NBEA: variants seen among roughly 807,000 people sequenced by gnomAD.
NBEA encodes lysosomal-trafficking regulator 2.
Under a neutral mutation model 343.4 loss-of-function variants are expected in NBEA, and 44 were observed. That is an observed-to-expected ratio of 0.13 (90% CI 0.10 to 0.16). The LOEUF (loss-of-function observed/expected upper bound fraction) is 0.16, where lower values mean the gene tolerates loss of function less well. Among genes scored for constraint, NBEA ranks in the 10% least tolerant of loss-of-function variants. The pLI is 1.00. For synonymous variants in NBEA, 1,175 were observed against 1,238.7 expected (o/e 0.95, Z 1.08); for missense variants, 2,555 against 3,631.3 (o/e 0.70, Z 7.62).
rs771006403 is a variant in NBEA, at chr13:35,161,731, TC to T, written c.3862-18del. 5.0e-6 allele frequency: 8 copies of T among 1,585,262 alleles called. No individual in the cohort carries two copies. The South Asian group carries it at 9.2e-5, about 18-fold the overall frequency. On this transcript the variant is annotated intron_variant, in intron 22 of 58. Coordinates refer to ENST00000379939, the MANE Select transcript of NBEA (RefSeq NM_001385012.1). ...CATTTCTTTTGTATTCCACAAAAGT[TC>T]ATCTTTTCCTTCTTTAGGCTGTGCA... is the stretch of plus-strand genomic sequence containing the variant.
At chr13:35,392,748 A>G (rs537730152) in intron 38 of NBEA, among the ~76,000 whole-genome samples, 1 of 152,336 alleles carries the variant, frequency 6.6e-6, no homozygotes, top group South Asian at 2.1e-4. Flanking sequence ...GCAATCAGAA[A>G]GGAAAAGTTG....
In NBEA at chr13:35,460,941, C is replaced by T. The variant is rs540769284; in HGVS notation, c.6448+8706C>T. 1.1e-4 allele frequency among the ~76,000 whole-genome samples: 17 copies of T among 152,322 alleles called. No individual in the cohort carries two copies. In the South Asian group the frequency reaches 2.3e-3, roughly 20 times the overall value. On this transcript the variant is annotated intron_variant, in intron 40 of 58. Transcript: ENST00000379939. ...CTCTGCAGAGTCCTGAGGCCGTACC[C>T]GGCATCACATGTGAGGGGCTGAGGG...
intron 34 of NBEA, among the ~76,000 whole-genome samples, chr13:35,232,980 A>G (rs893221461): frequency 6.6e-6 from 1 of 152,108 alleles, no homozygotes; most frequent in African/African-American, 2.4e-5. Flanking sequence ...TGCACCTTTA[A>G]GTGATTTTTC....
chr13:35,173,689 T>C (rs919938327), intron 27 of NBEA, 95 bp downstream of exon 27: 39 of 1,217,146 alleles, frequency 3.2e-5, no homozygotes, highest in Non-Finnish European at 3.2e-5. Flanking sequence ...TGCTCAGTGA[T>C]AGAGAGCAAG....
intron 1 of NBEA, among the ~76,000 whole-genome samples, chr13:35,039,534 T>G (rs1394406332): frequency 6.6e-6 from 1 of 152,196 alleles, no homozygotes; most frequent in African/African-American, 2.4e-5. Flanking sequence ...GTTTGGATCC[T>G]GAGTCTCTTA....
chr13:34,961,550 A>G (rs765041091), intron 1 of NBEA, among the ~76,000 whole-genome samples: 5 of 152,028 alleles, frequency 3.3e-5, no homozygotes, highest in East Asian at 1.9e-4. Context: ...ATCTAACTTC[A>G]TATCTGGTCA....
chr13:35,157,933 A>G lies in NBEA; in HGVS notation c.2844+663A>G, dbSNP rs1037034900. ...GTTTTGTGATTTTAGGAGACTCATT[A>G]AGTCTTCTTGAACACGAGTTAGAAA... is the stretch of plus-strand genomic sequence containing the variant. On this transcript the variant is annotated intron_variant, in intron 21 of 58. Transcript: ENST00000379939. 2.0e-5 allele frequency among the ~76,000 whole-genome samples: 3 copies of G among 152,188 alleles called. No homozygotes were observed. The South Asian group carries it at 6.2e-4, about 31-fold the overall frequency.
chr13:35,498,037 A>G (rs559344465), intron 41 of NBEA, among the ~76,000 whole-genome samples: 9 of 152,138 alleles, frequency 5.9e-5, no homozygotes, highest in African/African-American at 2.2e-4. Context: ...CTTAGCATGT[A>G]TTGATTTGCA....
At chr13:35,163,829 G>T (rs2069774929) in intron 23 of NBEA, among the ~76,000 whole-genome samples, 1 of 151,924 alleles carries the variant, frequency 6.6e-6, no homozygotes. Context: ...ATTTCAATGT[G>T]ACTAGTCAAA....
At chr13:35,223,977 G>A (rs956771361) in intron 33 of NBEA, among the ~76,000 whole-genome samples, 1 of 152,066 alleles carries the variant, frequency 6.6e-6, no homozygotes, top group Admixed American at 6.6e-5. Context: ...AGAACACATG[G>A]ACCTGTTTAT....
intron 1 of NBEA, among the ~76,000 whole-genome samples, chr13:34,966,554 T>C: frequency 6.6e-6 from 1 of 151,880 alleles, no homozygotes; most frequent in East Asian, 1.9e-4. Flanking sequence ...CTAATCTGAA[T>C]CCAAATCCTG....
chr13:35,234,684 C>T (rs2152772760), intron 34 of NBEA, among the ~76,000 whole-genome samples: 1 of 152,228 alleles, frequency 6.6e-6, no homozygotes, highest in Non-Finnish European at 1.5e-5. Flanking sequence ...ACTTCCTCAT[C>T]TTTATGAGGA....
At chr13:35,630,639 G>C (rs563588005) in intron 49 of NBEA, among the ~76,000 whole-genome samples, 1 of 152,252 alleles carries the variant, frequency 6.6e-6, no homozygotes, top group South Asian at 2.1e-4. Flanking sequence ...GAAATGTTAT[G>C]TTCTTTCTCC....
At chr13:35,118,600 G>A (rs1403419905) in intron 16 of NBEA, 126 bp downstream of exon 16, 2 of 681,850 alleles carry the variant, frequency 2.9e-6, no homozygotes, top group Admixed American at 6.0e-5. Context: ...AGAATAAATG[G>A]AGAATGCTGC....
intron 36 of NBEA, among the ~76,000 whole-genome samples, chr13:35,329,533 A>C (rs1229356705): frequency 6.6e-6 from 1 of 152,006 alleles, no homozygotes; most frequent in Non-Finnish European, 1.5e-5. Context: ...CTACTGATAC[A>C]CACAATAACA....
intron 41 of NBEA, among the ~76,000 whole-genome samples, chr13:35,496,745 C>T (rs1314622717): frequency 6.6e-6 from 1 of 151,532 alleles, no homozygotes; most frequent in Admixed American, 6.6e-5. Context: ...TATGTCTTTT[C>T]TCAAAAAGTC....
intron 34 of NBEA, among the ~76,000 whole-genome samples, chr13:35,275,849 G>C (rs1056366923): frequency 9.9e-5 from 15 of 152,102 alleles, no homozygotes; most frequent in African/African-American, 3.1e-4. Context: ...AGAAAGTTAG[G>C]AAAGAACAGA....
intron 37 of NBEA, among the ~76,000 whole-genome samples, chr13:35,350,770 G>A (rs2040156921): frequency 7.2e-6 from 1 of 139,002 alleles, no homozygotes; most frequent in Admixed American, 7.0e-5. Context: ...GTGTGTGTGT[G>A]TGTAGTTTAC....
intron 34 of NBEA, among the ~76,000 whole-genome samples, chr13:35,243,631 A>G (rs1004544546): frequency 6.6e-6 from 1 of 151,948 alleles, no homozygotes. Context: ...AAGACAAAAT[A>G]AGCTTTTGAA....
Sources: allele counts gnomAD v4.1 joint callset (sites outside exome capture counted in the v4.1 genomes callset), GRCh38; gene constraint gnomAD v4.1.1; transcripts MANE v1.5; gene names NCBI Gene and HGNC (gene_info 2026-07-23, HGNC 2026-07-21).